IQSEC3: variants seen among roughly 807,000 people sequenced by gnomAD.
IQSEC3 encodes the protein IQ motif and SEC7 domain-containing protein 3.
Under a neutral mutation model 105.4 loss-of-function variants are expected in IQSEC3, and 50 were observed. That is an observed-to-expected ratio of 0.47 (90% CI 0.38 to 0.60). The LOEUF is 0.60. Among genes scored for constraint, IQSEC3 ranks in the 20% least tolerant of loss-of-function variants. The probability of loss-of-function intolerance (pLI) is 0.00; values close to 1 mark genes in which losing one functional copy is unlikely to be tolerated. For synonymous variants in IQSEC3, 708 were observed against 746.0 expected, an observed-to-expected ratio of 0.95 and a Z score of 0.83; for missense variants, 1,415 against 1,630.0, an observed-to-expected ratio of 0.87 and a Z score of 2.27.
intron 5 of IQSEC3, among the ~76,000 whole-genome samples, chr12:154,745 C>T (rs1328322976): frequency 6.6e-6 from 1 of 152,172 alleles, no homozygotes; most frequent in African/African-American, 2.4e-5. Flanking sequence ...TTCCTCTCCT[C>T]GTGCCTCTCT....
intron 11 of IQSEC3, among the ~76,000 whole-genome samples, chr12:166,595 G>A (rs1360747038): frequency 6.6e-6 from 1 of 152,166 alleles, no homozygotes; most frequent in Non-Finnish European, 1.5e-5. Context: ...TCACGGAGGC[G>A]CCAGATAGCC....
intron 3 of IQSEC3, among the ~76,000 whole-genome samples, chr12:127,970 G>A (rs186663892): frequency 6.6e-6 from 1 of 152,316 alleles, no homozygotes; most frequent in East Asian, 1.9e-4. Flanking sequence ...TCTGCCATGA[G>A]CTGTATGGCC....
intron 11 of IQSEC3, 55 bp from the exon 12 acceptor site, chr12:168,958 C>G (rs1555099360): frequency 6.8e-7 from 1 of 1,463,542 alleles, no homozygotes; most frequent in Non-Finnish European, 9.6e-7. Flanking sequence ...CCTGCCTCGC[C>G]TCTGTGTGGT....
chr12:151,500 G>A lies in IQSEC3; in HGVS notation c.2154-5525G>A, dbSNP rs117250779. 5.8e-3 allele frequency among the ~76,000 whole-genome samples: 884 copies of A among 152,240 alleles called. 9 individuals are homozygous for A. Among genetic ancestry groups the A allele is most frequent in the Middle Eastern group, 0.051 (15 of 294 alleles). On this transcript the variant is annotated intron_variant, in intron 5 of 13. Coordinates refer to ENST00000538872, the MANE Select transcript of IQSEC3 (RefSeq NM_001170738.2). ...CCCAAGCCCCATTATCTGTAGCTTG[G>A]ACCTCTGCAGTAGCATCCTAACTGG...
intron 1 of IQSEC3, among the ~76,000 whole-genome samples, chr12:95,148 G>A (rs781834836): frequency 3.9e-5 from 6 of 152,184 alleles, no homozygotes; most frequent in Non-Finnish European, 8.8e-5. Flanking sequence ...GATTTGCCCC[G>A]GGAATGAACC....
rs570944501 is a variant in IQSEC3 at position 155,544 on chromosome 12, C to T, written c.2154-1481C>T. Among the ~76,000 whole-genome samples the T allele has an allele frequency of 2.6e-5, 4 of 152,280 alleles. No individual in the cohort carries two copies. In the East Asian group the frequency reaches 5.8e-4, roughly 22 times the overall value. On this transcript the variant is annotated intron_variant, in intron 5 of 13. Coordinates refer to ENST00000538872, the MANE Select transcript of IQSEC3 (RefSeq NM_001170738.2). ...GTTCTCCCCAGAAACCTGTGGGAGG[C>T]GGAGTCCATGGACCACCAGGCCCTG...
intron 5 of IQSEC3, among the ~76,000 whole-genome samples, chr12:145,293 G>C (rs1555090664): frequency 6.6e-6 from 1 of 152,048 alleles, no homozygotes; most frequent in African/African-American, 2.4e-5. Flanking sequence ...TTTTCTATTA[G>C]AGACAGGATC....
chr12:169,508 G>A (rs1555099664), intron 12 of IQSEC3, among the ~76,000 whole-genome samples: 1 of 152,078 alleles, frequency 6.6e-6, no homozygotes. Flanking sequence ...AGGGCAGGGT[G>A]ACCAGAAGGA....
rs1293732204 is a variant in IQSEC3, at chr12:134,965, T to TA, written c.904-3295dup. 2.0e-5 allele frequency among the ~76,000 whole-genome samples: 3 copies of TA among 151,164 alleles called. No individual in the cohort carries two copies. In the South Asian group the frequency reaches 6.2e-4, roughly 31 times the overall value. On this transcript the variant is annotated intron_variant, in intron 3 of 13. Transcript: ENST00000538872. ...AACATGGCAAAACCCTGTCTCTACTTAAAAAAATACAAAAATTAGCCAGGC... is the reference window on the plus strand; with the variant it reads ...AACATGGCAAAACCCTGTCTCTACTTAAAAAAAATACAAAAATTAGCCAGGC...
intron 1 of IQSEC3, among the ~76,000 whole-genome samples, chr12:76,121 CA>C (rs1863513292): frequency 6.6e-6 from 1 of 151,372 alleles, no homozygotes; most frequent in Non-Finnish European, 1.5e-5. Flanking sequence ...CACACACACA[CA>C]CACACACACA....
Position 125,693 on chromosome 12 carries a change from G to A in IQSEC3, c.684G>A (p.Ala228=), listed in dbSNP as rs369646105. Residue 228 remains alanine (A), a synonymous_variant, in exon 3 of 14, where the codon GCG becomes GCA. Coordinates refer to ENST00000538872, the MANE Select transcript of IQSEC3 (RefSeq NM_001170738.2). The part of the protein sequence containing the change: ...GMEDSVVAAA[A]VAAGRPSAHA... ...AGGACTCCGTGGTGGCAGCGGCGGC[G>A]GTGGCAGCCGGCAGACCCAGTGCCC... 1,677 of 1,533,020 alleles carry A rather than the reference G, an allele frequency of 1.1e-3. 2 individuals are homozygous for A. The highest frequency in any genetic ancestry group is 1.3e-3 in the Non-Finnish European group (1,539 of 1,150,934). 95.0% of individuals were successfully genotyped at this position (1,533,020 alleles called of 1,614,324 possible). A position where few individuals can be genotyped will look rare whatever the true frequency, so the allele number is the denominator to read the frequency against.
intron 1 of IQSEC3, among the ~76,000 whole-genome samples, chr12:73,600 G>C (rs868995736): frequency 9.1e-4 from 139 of 152,246 alleles, no homozygotes; most frequent in Middle Eastern, 3.4e-3. Flanking sequence ...AATCTAGGAG[G>C]CTGAGGTTGC....
intron 5 of IQSEC3, chr12:142,510 C>A (rs1866072536): frequency 6.6e-6 from 1 of 152,164 alleles, no homozygotes; most frequent in Non-Finnish European, 1.5e-5. Context: ...GGGGTTCGCA[C>A]AGGTACCTTG....
At chr12:94,703 G>A (rs1864192187) in intron 1 of IQSEC3, among the ~76,000 whole-genome samples, 1 of 152,236 alleles carries the variant, frequency 6.6e-6, no homozygotes, top group Non-Finnish European at 1.5e-5. Flanking sequence ...ACCAGCAGGT[G>A]CCTGCCCTCA....
intron 7 of IQSEC3, 116 bp downstream of exon 7, chr12:157,810 C>A: frequency 8.5e-7 from 1 of 1,181,686 alleles, no homozygotes; most frequent in Non-Finnish European, 1.2e-6. Flanking sequence ...GCTGTCTGGG[C>A]CTGGTCACCC....
intron 12 of IQSEC3, 58 bp downstream of exon 12, chr12:169,163 G>A: frequency 4.2e-6 from 6 of 1,439,828 alleles, no homozygotes; most frequent in Non-Finnish European, 5.8e-6. Flanking sequence ...GGGGACCCTG[G>A]GTGTGGGTCC....
chr12:71,137 T>C (rs1435317703), intron 1 of IQSEC3, among the ~76,000 whole-genome samples: 2 of 152,280 alleles, frequency 1.3e-5, no homozygotes, highest in Non-Finnish European at 2.9e-5. Context: ...AGGCTGGGGA[T>C]AGCTAGAAGA....
chr12:139,628 T>A, intron 4 of IQSEC3: 1 of 383,098 alleles, frequency 2.6e-6, no homozygotes. Flanking sequence ...CAGCTTAAGA[T>A]GAAGCTAGGG....
chr12:84,399 C>G (rs1236909491), intron 1 of IQSEC3, among the ~76,000 whole-genome samples: 1 of 152,230 alleles, frequency 6.6e-6, no homozygotes, highest in Non-Finnish European at 1.5e-5. Context: ...CATCCTTGTT[C>G]TCAGCTCTGC....
Sources: gnomAD v4.1 joint callset for allele counts (sites outside exome capture counted in the v4.1 genomes callset) on GRCh38, gnomAD v4.1.1 for gene constraint, MANE v1.5 for transcripts, NCBI Gene and HGNC (gene_info 2026-07-23, HGNC 2026-07-21) for gene names.